The following CSMD1 variants were observed in gnomAD, a reference collection of about 807,000 sequenced individuals.
CSMD1 encodes the protein CUB and Sushi multiple domains 1.
CSMD1 carries 213 observed loss-of-function variants against 417.5 expected under a neutral mutation model. The observed-to-expected ratio is 0.51, with a 90% CI of 0.46 to 0.57. The LOEUF (loss-of-function observed/expected upper bound fraction) is 0.57, where lower values mean the gene tolerates loss of function less well. CSMD1 is among the 20% of genes least tolerant of loss of function. The pLI is 0.00. For synonymous variants in CSMD1, 2,862 were observed against 1,736.8 expected (o/e 1.65, Z -16.11); for missense variants, 6,923 against 4,529.7 (o/e 1.53, Z -15.17).
intron 23 of CSMD1, among the ~76,000 whole-genome samples, chr8:3,317,506 GTGTT>G (rs776507216): frequency 5.3e-5 from 8 of 152,086 alleles, no homozygotes; most frequent in Middle Eastern, 3.2e-3. Flanking sequence ...TCCCAATTAA[GTGTT>G]TGTTTTGTTG....
chr8:3,580,087 G>C (rs565543091), intron 9 of CSMD1, among the ~76,000 whole-genome samples: 1 of 152,168 alleles, frequency 6.6e-6, no homozygotes, highest in Non-Finnish European at 1.5e-5. Flanking sequence ...CTGTGTGACA[G>C]AGGGAGACTC....
chr8:3,310,889 A>T (rs1399235131), intron 23 of CSMD1, among the ~76,000 whole-genome samples: 1 of 151,884 alleles, frequency 6.6e-6, no homozygotes, highest in East Asian at 1.9e-4. Context: ...TGGAGTTTTA[A>T]AAAAAGTTTT....
At chr8:4,909,259 G>A (rs76604528) in intron 1 of CSMD1, among the ~76,000 whole-genome samples, 3 of 152,084 alleles carry the variant, frequency 2.0e-5, no homozygotes, top group Non-Finnish European at 4.4e-5. Flanking sequence ...CTAGCTGTGA[G>A]TCTTTTAGTG....
chr8:2,957,697 T>A lies in CSMD1; in HGVS notation c.9813A>T (p.Ile3271=). The A allele has an allele frequency of 6.4e-7, 1 of 1,568,010 alleles. No homozygotes were observed. Among genetic ancestry groups the A allele is most frequent in the Non-Finnish European group, 8.7e-7 (1 of 1,149,752 alleles). The part of the protein sequence containing the change: ...LTWSGIQTEC[I]PHACRQPETP... ...GGGGGTGGAAGAAATCACACTTACG[T>A]ATACATTCGGTCTGTATCCCACTCC... Residue 3271 remains isoleucine, a splice_region_variant and synonymous_variant, in exon 63 of 70, where the codon ATA becomes ATT. Coordinates refer to ENST00000635120, the MANE Select transcript of CSMD1 (RefSeq NM_033225.6).
chr8:4,779,284 G>T (rs1379240577), intron 1 of CSMD1, among the ~76,000 whole-genome samples: 1 of 152,062 alleles, frequency 6.6e-6, no homozygotes, highest in Non-Finnish European at 1.5e-5. Flanking sequence ...ATGTATAGGG[G>T]TTTTACCAAA....
At chr8:4,734,477 G>T (rs762284402) in intron 1 of CSMD1, among the ~76,000 whole-genome samples, 2 of 152,034 alleles carry the variant, frequency 1.3e-5, no homozygotes, top group East Asian at 1.9e-4. Context: ...TTCTTGTGTG[G>T]CCAGAAGCTC....
chr8:4,437,954 C>A (rs1014534854), intron 2 of CSMD1, among the ~76,000 whole-genome samples: 5 of 152,206 alleles, frequency 3.3e-5, no homozygotes, highest in African/African-American at 1.2e-4. Context: ...TAAGTGTTTT[C>A]CATGTATTTT....
chr8:4,758,727 G>C (rs990485006), intron 1 of CSMD1, among the ~76,000 whole-genome samples: 2 of 152,086 alleles, frequency 1.3e-5, no homozygotes, highest in Admixed American at 6.5e-5. Context: ...AAAAAGCCCA[G>C]GGGAAACTGC....
chr8:3,489,119 T>C (rs1039322086), intron 11 of CSMD1, among the ~76,000 whole-genome samples: 2 of 152,074 alleles, frequency 1.3e-5, no homozygotes, highest in African/African-American at 4.8e-5. Flanking sequence ...CAGCAGTCTT[T>C]TAATAAAAAG....
intron 1 of CSMD1, among the ~76,000 whole-genome samples, chr8:4,739,074 G>C (rs901572930): frequency 7.9e-5 from 12 of 151,762 alleles, no homozygotes; most frequent in Non-Finnish European, 1.6e-4. Flanking sequence ...ACACACACAT[G>C]TGCACACACA....
chr8:3,723,335 G>C (rs1325291886), intron 6 of CSMD1, among the ~76,000 whole-genome samples: 1 of 152,066 alleles, frequency 6.6e-6, no homozygotes, highest in East Asian at 1.9e-4. Flanking sequence ...ATTTGATTAG[G>C]TCAGGGCCGC....
intron 5 of CSMD1, among the ~76,000 whole-genome samples, chr8:3,898,663 G>C (rs777195377): frequency 2.5e-4 from 38 of 152,256 alleles, no homozygotes; most frequent in East Asian, 5.8e-4. Context: ...TGCAGACCTG[G>C]TATTTGTTGG....
intron 1 of CSMD1, among the ~76,000 whole-genome samples, chr8:4,937,029 A>G (rs1421752624): frequency 1.3e-5 from 2 of 152,048 alleles, no homozygotes; most frequent in Non-Finnish European, 2.9e-5. Flanking sequence ...TGGCCAAAAT[A>G]ACAGGACTCT....
chr8:2,941,236 CA>C (rs1801853134), intron 69 of CSMD1, among the ~76,000 whole-genome samples: 1 of 152,122 alleles, frequency 6.6e-6, no homozygotes, highest in Admixed American at 6.5e-5. Flanking sequence ...CAGGCACAAG[CA>C]GCTAATACAC....
At chr8:4,718,426 C>A (rs1268858617) in intron 1 of CSMD1, among the ~76,000 whole-genome samples, 1 of 152,102 alleles carries the variant, frequency 6.6e-6, no homozygotes, top group Admixed American at 6.5e-5. Context: ...TAAAACCAGG[C>A]TGATTCTTAA....
At chr8:4,110,207 G>C (rs879661708) in intron 3 of CSMD1, among the ~76,000 whole-genome samples, 18 of 152,074 alleles carry the variant, frequency 1.2e-4, no homozygotes, top group Non-Finnish European at 2.5e-4. Context: ...TTAAAATCTA[G>C]AGAATATAGA....
chr8:3,549,978 G>C (rs528401276), intron 10 of CSMD1, among the ~76,000 whole-genome samples: 1 of 152,294 alleles, frequency 6.6e-6, no homozygotes, highest in Admixed American at 6.5e-5. Flanking sequence ...TAGACATAAA[G>C]AGTTAATATA....
Position 2,973,253 on chromosome 8 carries a change from C to G in CSMD1, c.8787G>C (p.Gly2929=), listed in dbSNP as rs766896472. ...FCGDPGTPAH[G]SRLGDDFKTK... ...TCTTAAAGTCATCACCAAGCCGAGACCCATGTGCTGGGGTCCCCGGATCAC... is the reference window on the plus strand; with the variant it reads ...TCTTAAAGTCATCACCAAGCCGAGAGCCATGTGCTGGGGTCCCCGGATCAC... Residue 2929 remains glycine, a synonymous_variant, in exon 57 of 70, where the codon GGG becomes GGC. Transcript: ENST00000635120. 2 of 1,613,960 alleles carry G rather than the reference C, an allele frequency of 1.2e-6. No individual in the cohort carries two copies. Among genetic ancestry groups the G allele is most frequent in the Admixed American group, 3.3e-5 (2 of 60,022 alleles).
At chr8:4,187,751 A>G (rs926143766) in intron 3 of CSMD1, among the ~76,000 whole-genome samples, 3 of 151,906 alleles carry the variant, frequency 2.0e-5, no homozygotes, top group Admixed American at 6.6e-5. Context: ...ATGAACACTC[A>G]GAGAAATATA....
Sources: allele counts gnomAD v4.1 joint callset (sites outside exome capture counted in the v4.1 genomes callset), GRCh38; gene constraint gnomAD v4.1.1; transcripts MANE v1.5; gene names NCBI Gene and HGNC (gene_info 2026-07-23, HGNC 2026-07-21).